POU2F1: variants seen among roughly 807,000 people sequenced by gnomAD.
The protein encoded by POU2F1 is POU class 2 homeobox 1.
Under a neutral mutation model 84.9 loss-of-function variants are expected in POU2F1, and 16 were observed. That is an observed-to-expected ratio of 0.19 (90% CI 0.13 to 0.29). The LOEUF is 0.29. Ranked by LOEUF, POU2F1 falls within the 10% of genes least tolerant of loss-of-function variation. The probability of loss-of-function intolerance (pLI) is 1.00; values close to 1 mark genes in which losing one functional copy is unlikely to be tolerated. For missense variants in POU2F1, 738 were observed against 942.6 expected, an observed-to-expected ratio of 0.78 and a Z score of 2.84; for synonymous variants, 368 against 368.3, an observed-to-expected ratio of 1.00 and a Z score of 0.01.
intron 1 of POU2F1, among the ~76,000 whole-genome samples, chr1:167,251,410 C>CAAAT (rs755341509): frequency 6.6e-5 from 10 of 151,290 alleles, no homozygotes; most frequent in East Asian, 1.9e-4. Context: ...AACAAACAAA[C>CAAAT]AAATAAATAA....
chr1:167,407,300 GATTAC>G (rs1406719848), intron 13 of POU2F1, among the ~76,000 whole-genome samples: 3 of 152,134 alleles, frequency 2.0e-5, no homozygotes, highest in Non-Finnish European at 2.9e-5. Flanking sequence ...AAAGTGCTGG[GATTAC>G]AGGCATGAGC....
chr1:167,401,365 C>A, intron 12 of POU2F1, 86 bp from the exon 13 acceptor site: 2 of 893,672 alleles, frequency 2.2e-6, no homozygotes, highest in Non-Finnish European at 3.4e-6. Context: ...GTCTCAATTC[C>A]AAGATCAAAG....
At chr1:167,262,681 A>G (rs1651661372) in intron 1 of POU2F1, among the ~76,000 whole-genome samples, 1 of 152,144 alleles carries the variant, frequency 6.6e-6, no homozygotes, top group Non-Finnish European at 1.5e-5. Context: ...CTGGGGATGG[A>G]TTTTGTACTT....
At chr1:167,322,186 A>G (rs1188146070) in intron 1 of POU2F1, among the ~76,000 whole-genome samples, 2 of 152,256 alleles carry the variant, frequency 1.3e-5, no homozygotes, top group East Asian at 1.9e-4. Context: ...GATTCACCCA[A>G]TAAGTTGCTT....
chr1:167,413,291 C>T (rs974826719), intron 15 of POU2F1, among the ~76,000 whole-genome samples, 177 bp downstream of exon 15: 3 of 151,738 alleles, frequency 2.0e-5, no homozygotes, highest in African/African-American at 4.9e-5. Flanking sequence ...AAAATGTCCT[C>T]GTAAAAAAGC....
In POU2F1 at chr1:167,253,388, C is replaced by A. The variant is rs1031980516; in HGVS notation, c.61+32430C>A. 3.5e-5 allele frequency among the ~76,000 whole-genome samples: 5 copies of A among 141,584 alleles called. No individual in the cohort carries two copies. The East Asian group carries it at 7.9e-4, about 22-fold the overall frequency. The allele number at this position is 141,584 out of a possible 152,430, so 92.9% of individuals were successfully genotyped here. A position where few individuals can be genotyped will look rare whatever the true frequency, so the allele number is the denominator to read the frequency against. On this transcript the variant is annotated intron_variant, in intron 1 of 15. Transcript: ENST00000367866. ...TCTTTATTTTTCTGCCCCCCCCCCC[C>A]CAAACACACAGGAGAGTGGAACTTG...
intron 7 of POU2F1, among the ~76,000 whole-genome samples, chr1:167,382,539 A>C (rs1156758342): frequency 6.6e-6 from 1 of 152,222 alleles, no homozygotes; most frequent in Non-Finnish European, 1.5e-5. Context: ...ATTCTAATAT[A>C]AGGCCATGAC....
chr1:167,220,964 C>A lies in POU2F1; in HGVS notation c.61+6C>A, dbSNP rs776160352. 2.3e-5 allele frequency: 36 copies of A among 1,534,398 alleles called. 1 individual carries two copies. The South Asian group carries it at 4.3e-4, about 18-fold the overall frequency. On this transcript the variant is annotated splice_donor_region_variant and intron_variant, in intron 1 of 15. Coordinates refer to ENST00000367866, the MANE Select transcript of POU2F1 (RefSeq NM_002697.4). ...CGCGGCGGCAGCAGCAGCAGGTAAT[C>A]ATTACAGCATTTTACATATTCATAT...
intron 4 of POU2F1, 150 bp from the exon 5 acceptor site, chr1:167,371,767 T>C: frequency 9.2e-7 from 1 of 1,091,060 alleles, no homozygotes. Context: ...TATGTGAAAC[T>C]AGGAAAATAC....
chr1:167,380,051 C>T (rs1287759179), intron 7 of POU2F1: 2 of 152,194 alleles, frequency 1.3e-5, no homozygotes, highest in African/African-American at 4.8e-5. Flanking sequence ...TTTTTATCTT[C>T]CCCTTCACTT....
At chr1:167,271,389 C>T (rs948549624) in intron 1 of POU2F1, among the ~76,000 whole-genome samples, 1 of 152,036 alleles carries the variant, frequency 6.6e-6, no homozygotes, top group South Asian at 2.1e-4. Flanking sequence ...ACAAGACACC[C>T]GAACTGCCAA....
chr1:167,379,935 C>G (rs1348722560), intron 7 of POU2F1: 1 of 152,170 alleles, frequency 6.6e-6, no homozygotes, highest in Non-Finnish European at 1.5e-5. Flanking sequence ...AACTTCCAGA[C>G]TTTTATAAGA....
chr1:167,293,359 ACCCAATC>A (rs1241096317), intron 1 of POU2F1, among the ~76,000 whole-genome samples: 15 of 152,208 alleles, frequency 9.9e-5, no homozygotes. Flanking sequence ...CAAATCAAGA[ACCCAATC>A]CCCTTTACAA....
intron 7 of POU2F1, chr1:167,380,821 T>C (rs562516210): frequency 6.6e-6 from 1 of 152,346 alleles, no homozygotes; most frequent in South Asian, 2.1e-4. Flanking sequence ...TTGCTATGAT[T>C]ATATAACTGT....
chr1:167,337,275 G>T (rs956154927), intron 2 of POU2F1, among the ~76,000 whole-genome samples: 4 of 151,764 alleles, frequency 2.6e-5, no homozygotes, highest in African/African-American at 9.7e-5. Context: ...ACAGTGAGCT[G>T]AGATCACGCC....
At chr1:167,372,153 A>G (rs1660046933) in intron 5 of POU2F1, 117 bp downstream of exon 5, 11 of 1,341,224 alleles carry the variant, frequency 8.2e-6, no homozygotes, top group Non-Finnish European at 1.1e-5. Flanking sequence ...GCCTGGCACT[A>G]TTGTGTCTTT....
At chr1:167,412,384 T>C (rs1366952538) in intron 14 of POU2F1, 80 bp downstream of exon 14, 2 of 1,235,852 alleles carry the variant, frequency 1.6e-6, no homozygotes, top group African/African-American at 3.2e-5. Flanking sequence ...TTTACATCAC[T>C]GACTTAGATG....
At chr1:167,378,926 C>CT (rs749278885) in intron 7 of POU2F1, among the ~76,000 whole-genome samples, 330 of 138,390 alleles carry the variant, frequency 2.4e-3, no homozygotes, top group African/African-American at 4.5e-3. Flanking sequence ...CTAATTTTGA[C>CT]TTTTTTTTTT....
At chr1:167,369,965 G>C (rs1659904392) in intron 3 of POU2F1, among the ~76,000 whole-genome samples, 196 bp from the exon 4 acceptor site, 1 of 152,040 alleles carries the variant, frequency 6.6e-6, no homozygotes, top group Non-Finnish European at 1.5e-5. Flanking sequence ...GCATTTTTCT[G>C]TGGGACCCGT....
Sources: gnomAD v4.1 joint callset for allele counts (sites outside exome capture counted in the v4.1 genomes callset) on GRCh38, gnomAD v4.1.1 for gene constraint, MANE v1.5 for transcripts, NCBI Gene and HGNC (gene_info 2026-07-23, HGNC 2026-07-21) for gene names.